The following JAK1 variants were observed in gnomAD, a reference collection of about 807,000 sequenced individuals.
JAK1 encodes the protein Janus kinase 1, also known as tyrosine-protein kinase JAK1.
A neutral mutation model predicts 136.6 loss-of-function variants in JAK1; 16 were observed. The ratio of observed to expected loss-of-function variants is 0.12; its 90% confidence interval spans 0.08 to 0.18. The LOEUF (loss-of-function observed/expected upper bound fraction) is 0.18, where lower values mean the gene tolerates loss of function less well. Ranked by LOEUF, JAK1 falls within the 10% of genes least tolerant of loss-of-function variation. The pLI is 1.00. For synonymous variants in JAK1, 492 were observed against 519.5 expected (o/e 0.95, Z 0.72); for missense variants, 859 against 1,450.1 (o/e 0.59, Z 6.62).
At chr1:64,931,843 A>G (rs1367702465) in intron 1 of JAK1, among the ~76,000 whole-genome samples, 1 of 152,158 alleles carries the variant, frequency 6.6e-6, no homozygotes, top group African/African-American at 2.4e-5. Flanking sequence ...GTACACACAC[A>G]GAGATCTAGC....
chr1:65,067,324 C>T (rs1648102102), intron 1 of JAK1, among the ~76,000 whole-genome samples: 2 of 149,996 alleles, frequency 1.3e-5, no homozygotes, highest in Admixed American at 6.6e-5. Context: ...GGGCCGAGCC[C>T]CACGGCTGCG....
intron 1 of JAK1, among the ~76,000 whole-genome samples, chr1:64,932,742 T>A (rs1645720748): frequency 6.6e-6 from 1 of 151,968 alleles, no homozygotes; most frequent in Non-Finnish European, 1.5e-5. Context: ...ACTGCAATAA[T>A]CATCCATTCC....
At chr1:64,835,679 C>A (rs1260101944) in intron 23 of JAK1, among the ~76,000 whole-genome samples, 173 bp from the exon 24 acceptor site, 1 of 152,166 alleles carries the variant, frequency 6.6e-6, no homozygotes, top group Non-Finnish European at 1.5e-5. Flanking sequence ...TTTCAATGAT[C>A]TGTCTCTAAC....
chr1:64,885,257 C>T (rs1644834267), intron 2 of JAK1, among the ~76,000 whole-genome samples: 1 of 152,190 alleles, frequency 6.6e-6, no homozygotes, highest in Admixed American at 6.5e-5. Context: ...AACCCCTAAC[C>T]CCATCCCACA....
intron 1 of JAK1, among the ~76,000 whole-genome samples, chr1:65,061,131 G>C (rs189390238): frequency 6.6e-6 from 1 of 152,162 alleles, no homozygotes; most frequent in Non-Finnish European, 1.5e-5. Flanking sequence ...ATAACGTGGA[G>C]TACAAGGCCA....
intron 22 of JAK1, among the ~76,000 whole-genome samples, chr1:64,837,619 T>C (rs1421925092): frequency 6.6e-6 from 1 of 152,198 alleles, no homozygotes; most frequent in Admixed American, 6.5e-5. Flanking sequence ...CTGCTCACAG[T>C]TTTAAGAACT....
intron 2 of JAK1, among the ~76,000 whole-genome samples, chr1:65,026,772 C>G (rs955447477): frequency 3.3e-5 from 5 of 151,964 alleles, no homozygotes; most frequent in African/African-American, 1.2e-4. Flanking sequence ...TTGAGACCAA[C>G]CTGGCCAACA....
intron 1 of JAK1, among the ~76,000 whole-genome samples, chr1:64,941,185 A>G (rs909252870): frequency 6.6e-6 from 1 of 152,146 alleles, no homozygotes; most frequent in Non-Finnish European, 1.5e-5. Flanking sequence ...AAAATAAAAT[A>G]AAGTAGTTGA....
At chr1:64,856,517 C>T (rs912604082) in intron 10 of JAK1, among the ~76,000 whole-genome samples, 8 of 152,166 alleles carry the variant, frequency 5.3e-5, no homozygotes, top group Non-Finnish European at 1.0e-4. Context: ...CTGTTTTCCC[C>T]GGGTGATGTG....
At position 64,943,935 on chromosome 1, in the gene JAK1, A is replaced by C. The variant is rs377402022; in HGVS notation, c.-78+22398T>G. Among the ~76,000 whole-genome samples, 28 of 152,062 alleles carry C rather than the reference A, an allele frequency of 1.8e-4. 4 individuals are homozygous for C. Among genetic ancestry groups the C allele is most frequent in the Admixed American group, 3.3e-4 (5 of 15,266 alleles). On this transcript the variant is annotated intron_variant, in intron 1 of 24. Transcript: ENST00000342505. Reference sequence around the variant, plus strand: ...TGAGTTCTCAAACTTGAAAAAAAAAAGTTTAGGCCAGGCGCAGTGGCTCAC... The same window carrying C: ...TGAGTTCTCAAACTTGAAAAAAAAACGTTTAGGCCAGGCGCAGTGGCTCAC...
chr1:64,972,854 C>T (rs55758950), intron 2 of JAK1: 3,546 of 152,170 alleles, frequency 0.023, 160 homozygotes, highest in African/African-American at 0.081. Context: ...GGTGGTGGCT[C>T]ACGCCTGTAA....
At chr1:65,046,009 T>C (rs538782840) in intron 1 of JAK1, among the ~76,000 whole-genome samples, 1 of 152,294 alleles carries the variant, frequency 6.6e-6, no homozygotes, top group South Asian at 2.1e-4. Context: ...GAAAGTTAAA[T>C]GGGTGGTGTA....
At chr1:65,025,295 A>G (rs80237196) in intron 2 of JAK1, among the ~76,000 whole-genome samples, 2,220 of 152,322 alleles carry the variant, frequency 0.015, 45 homozygotes, top group African/African-American at 0.052. Flanking sequence ...CACCCGAAAC[A>G]TGGATTCCAA....
chr1:64,847,273 T>A (rs1487456857), intron 13 of JAK1, among the ~76,000 whole-genome samples: 1 of 151,282 alleles, frequency 6.6e-6, no homozygotes. Context: ...CACAGCCACC[T>A]GGACCTGTCC....
At chr1:64,941,601 T>G (rs1280896882) in intron 1 of JAK1, among the ~76,000 whole-genome samples, 1 of 152,164 alleles carries the variant, frequency 6.6e-6, no homozygotes, top group Admixed American at 6.6e-5. Context: ...TCAGAGAAAC[T>G]GGGGATGGAA....
At chr1:64,912,704 G>C (rs1645305211) in intron 1 of JAK1, among the ~76,000 whole-genome samples, 1 of 152,126 alleles carries the variant, frequency 6.6e-6, no homozygotes, top group Non-Finnish European at 1.5e-5. Flanking sequence ...CATACTGCTG[G>C]GAAGCGGCAG....
intron 2 of JAK1, among the ~76,000 whole-genome samples, chr1:65,031,886 G>A (rs1016453002): frequency 2.0e-5 from 3 of 151,620 alleles, no homozygotes; most frequent in South Asian, 4.2e-4. Flanking sequence ...AAAAATTAAA[G>A]AAATGTGCTT....
intron 2 of JAK1, among the ~76,000 whole-genome samples, chr1:65,035,590 C>G (rs147771264): frequency 1.3e-5 from 2 of 152,148 alleles, no homozygotes. Context: ...TTCCTTGAGA[C>G]GTCTGCATAA....
intron 2 of JAK1, chr1:64,985,939 G>T: frequency 1.1e-6 from 1 of 897,992 alleles, no homozygotes; most frequent in East Asian, 2.9e-5. Context: ...TCAGAGGGAG[G>T]GGTATTTGCC....
Sources: allele counts gnomAD v4.1 joint callset (sites outside exome capture counted in the v4.1 genomes callset), GRCh38; gene constraint gnomAD v4.1.1; transcripts MANE v1.5; gene names NCBI Gene and HGNC (gene_info 2026-07-23, HGNC 2026-07-21).